KCNN2: variants seen among roughly 807,000 people sequenced by gnomAD.
KCNN2 encodes potassium calcium-activated channel subfamily N member 2.
Under a neutral mutation model 55.5 loss-of-function variants are expected in KCNN2, and 24 were observed. That is an observed-to-expected ratio of 0.43 (90% CI 0.31 to 0.61). KCNN2 has a LOEUF of 0.61. Among genes scored for constraint, KCNN2 ranks in the 20% least tolerant of loss-of-function variants. KCNN2 has a pLI of 0.08. For synonymous variants in KCNN2, 431 were observed against 336.1 expected (o/e 1.28, Z -3.09); for missense variants, 754 against 853.6 (o/e 0.88, Z 1.45).
chr5:114,489,136 T>A (rs1329198122), intron 6 of KCNN2: 1 of 152,152 alleles, frequency 6.6e-6, no homozygotes, highest in Non-Finnish European at 1.5e-5. Context: ...TCTGTAGCCA[T>A]GTGCAGTGGG....
intron 2 of KCNN2, among the ~76,000 whole-genome samples, chr5:114,349,991 A>C (rs1173417981): frequency 6.6e-6 from 1 of 151,998 alleles, no homozygotes; most frequent in Non-Finnish European, 1.5e-5. Context: ...GCATTTCTTT[A>C]GTGGCCAATG....
chr5:114,373,110 C>T (rs1329998766), intron 2 of KCNN2, among the ~76,000 whole-genome samples: 2 of 151,912 alleles, frequency 1.3e-5, no homozygotes, highest in African/African-American at 2.4e-5. Flanking sequence ...GCTTTCAAAC[C>T]ACTTTATTAA....
chr5:114,454,261 G>C (rs1319866351), intron 3 of KCNN2, among the ~76,000 whole-genome samples: 9 of 152,104 alleles, frequency 5.9e-5, no homozygotes, highest in Admixed American at 5.2e-4. Flanking sequence ...TCTCAGGTTT[G>C]TTCTGTTTCC....
intron 2 of KCNN2, among the ~76,000 whole-genome samples, chr5:114,260,158 C>G (rs1011745555): frequency 2.0e-5 from 3 of 152,160 alleles, no homozygotes; most frequent in African/African-American, 7.2e-5. Flanking sequence ...CCTGACTGTC[C>G]TTTCTTCTGC....
intron 2 of KCNN2, among the ~76,000 whole-genome samples, chr5:114,403,171 G>A (rs1758836830): frequency 6.6e-6 from 1 of 152,132 alleles, no homozygotes; most frequent in African/African-American, 2.4e-5. Context: ...AACTTTATTG[G>A]AACTCAGCTG....
At chr5:114,358,267 A>T (rs1206774375), upstream of KCNN2, among the ~76,000 whole-genome samples, 2 of 152,068 alleles carry the variant, frequency 1.3e-5, no homozygotes, top group Non-Finnish European at 2.9e-5. Context: ...TTTACAAGAA[A>T]AAAACAAACA....
intron 1 of KCNN2, among the ~76,000 whole-genome samples, chr5:114,158,649 T>C (rs1752694013): frequency 6.6e-6 from 1 of 151,740 alleles, no homozygotes; most frequent in Non-Finnish European, 1.5e-5. Context: ...GGAATGTTCT[T>C]CCATTTGTTT....
intron 2 of KCNN2, among the ~76,000 whole-genome samples, chr5:114,249,580 C>A (rs1256927354): frequency 6.6e-6 from 1 of 151,956 alleles, no homozygotes; most frequent in Non-Finnish European, 1.5e-5. Flanking sequence ...AGCCACTGTG[C>A]CTGGCCCTCA....
At chr5:114,491,048 A>G (rs1747824404) in intron 6 of KCNN2, among the ~76,000 whole-genome samples, 1 of 152,202 alleles carries the variant, frequency 6.6e-6, no homozygotes, top group African/African-American at 2.4e-5. Context: ...AGGAATTCCA[A>G]TCAAATAAGG....
chr5:114,248,759 A>G (rs971294205), intron 2 of KCNN2, among the ~76,000 whole-genome samples: 2 of 152,224 alleles, frequency 1.3e-5, no homozygotes, highest in Admixed American at 1.3e-4. Context: ...AAGCATTTCC[A>G]AGTACTTTTT....
chr5:114,097,042 C>G (rs1036992703), intron 1 of KCNN2, among the ~76,000 whole-genome samples: 1 of 152,140 alleles, frequency 6.6e-6, no homozygotes, highest in Non-Finnish European at 1.5e-5. Context: ...GAACCCAGAT[C>G]TATTCAACTC....
At chr5:114,186,909 C>A (rs1020171265) in intron 1 of KCNN2, among the ~76,000 whole-genome samples, 1 of 152,018 alleles carries the variant, frequency 6.6e-6, no homozygotes, top group Non-Finnish European at 1.5e-5. Context: ...GCCAATATAA[C>A]CTTAACACCA....
At chr5:114,494,881 C>G (rs1326717322) in intron 7 of KCNN2, among the ~76,000 whole-genome samples, 1 of 152,102 alleles carries the variant, frequency 6.6e-6, no homozygotes, top group Non-Finnish European at 1.5e-5. Flanking sequence ...CATTTACCAT[C>G]TTTAAAAGAT....
intron 2 of KCNN2, among the ~76,000 whole-genome samples, chr5:114,338,510 G>A (rs1561576611): frequency 6.6e-6 from 1 of 152,178 alleles, no homozygotes; most frequent in Non-Finnish European, 1.5e-5. Flanking sequence ...AGATAAAAAT[G>A]TTGAAACTTA....
At chr5:114,196,349 T>C (rs1186313487) in intron 1 of KCNN2, among the ~76,000 whole-genome samples, 1 of 152,028 alleles carries the variant, frequency 6.6e-6, no homozygotes, top group African/African-American at 2.4e-5. Flanking sequence ...TGATATCTTT[T>C]ATATCAGGAT....
At chr5:114,309,348 G>A (rs986300189) in intron 2 of KCNN2, among the ~76,000 whole-genome samples, 1 of 152,100 alleles carries the variant, frequency 6.6e-6, no homozygotes, top group Admixed American at 6.6e-5. Context: ...TATTGCTCAC[G>A]GGAAGCAGGC....
chr5:114,367,098 T>TGGAA (rs1440655361), intron 2 of KCNN2, among the ~76,000 whole-genome samples: 1 of 152,184 alleles, frequency 6.6e-6, no homozygotes, highest in African/African-American at 2.4e-5. Context: ...TGGAGAACCT[T>TGGAA]GGAAAGCAGA....
chr5:114,232,734 A>G (rs1302094842), intron 2 of KCNN2, among the ~76,000 whole-genome samples: 2 of 150,710 alleles, frequency 1.3e-5, no homozygotes, highest in Non-Finnish European at 2.9e-5. Context: ...GTTTTATCTC[A>G]AAGTCCAATT....
rs181949995 is a variant in KCNN2, at chr5:114,243,094, C to A, written c.-185+21529C>A. ...AATAAACATATAATATGTCTTCATA[C>A]AAAATTATTGTTACATAGTATATTT... On this transcript the variant is annotated intron_variant, in intron 2 of 10. Coordinates refer to the KCNN2 transcript ENST00000512097. Among the ~76,000 whole-genome samples the A allele has an allele frequency of 2.0e-3, 304 of 152,098 alleles. 1 individual carries two copies. The highest frequency in any genetic ancestry group is 0.011 in the South Asian group (52 of 4,816).
Sources: gnomAD v4.1 joint callset for allele counts (sites outside exome capture counted in the v4.1 genomes callset) on GRCh38, gnomAD v4.1.1 for gene constraint, MANE v1.5 for transcripts, NCBI Gene and HGNC (gene_info 2026-07-23, HGNC 2026-07-21) for gene names.